The following RNFT2 variants were observed in gnomAD, a reference collection of about 807,000 sequenced individuals.
RNFT2 encodes E3 ubiquitin-protein ligase RNFT2.
RNFT2 carries 36 observed loss-of-function variants against 53.0 expected under a neutral mutation model. That is an observed-to-expected ratio of 0.68 (90% CI 0.52 to 0.90). RNFT2 has a LOEUF of 0.90. Among genes scored for constraint, RNFT2 ranks in the 40% least tolerant of loss-of-function variants. The pLI is 0.00. For missense variants in RNFT2, 514 were observed against 585.6 expected (o/e 0.88, Z 1.26); for synonymous variants, 260 against 253.2 (o/e 1.03, Z -0.26).
chr12:116,781,570 G>C (rs986525779), intron 7 of RNFT2, among the ~76,000 whole-genome samples: 1 of 151,574 alleles, frequency 6.6e-6, no homozygotes, highest in Non-Finnish European at 1.5e-5. Flanking sequence ...GTGATGGCAG[G>C]TTGAGCGTTC....
chr12:116,819,278 C>G (rs1362464878), intron 7 of RNFT2, among the ~76,000 whole-genome samples: 1 of 152,214 alleles, frequency 6.6e-6, no homozygotes, highest in Non-Finnish European at 1.5e-5. Context: ...GGCAGCTTTG[C>G]CCTTCGCAAA....
intron 7 of RNFT2, among the ~76,000 whole-genome samples, chr12:116,790,760 C>T (rs951686548): frequency 1.3e-5 from 2 of 152,156 alleles, no homozygotes; most frequent in Non-Finnish European, 2.9e-5. Context: ...AGTTCAATAC[C>T]AGCTTGGGCA....
At chr12:116,832,393 G>T (rs969399510) in intron 7 of RNFT2, among the ~76,000 whole-genome samples, 1 of 151,902 alleles carries the variant, frequency 6.6e-6, no homozygotes, top group Non-Finnish European at 1.5e-5. Flanking sequence ...CGAATCTCAG[G>T]CATTCATGTA....
intron 3 of RNFT2, among the ~76,000 whole-genome samples, chr12:116,746,474 G>A (rs1871899204): frequency 1.3e-5 from 2 of 152,188 alleles, no homozygotes; most frequent in Admixed American, 1.3e-4. Flanking sequence ...TGCAGTGAGA[G>A]CAAGGAGCAG....
intron 10 of RNFT2, among the ~76,000 whole-genome samples, chr12:116,848,427 C>T (rs563080547): frequency 4.6e-5 from 7 of 152,290 alleles, no homozygotes; most frequent in Admixed American, 1.3e-4. Context: ...TATCAGGTCA[C>T]TCCTCTGCTC....
chr12:116,795,620 G>A (rs1198962484), intron 7 of RNFT2, among the ~76,000 whole-genome samples: 1 of 152,146 alleles, frequency 6.6e-6, no homozygotes, highest in Non-Finnish European at 1.5e-5. Context: ...ACAATGTAGA[G>A]GTAGAATATT....
chr12:116,740,862 G>A (rs1871571979), intron 2 of RNFT2, 174 bp from the exon 3 acceptor site: 2 of 655,778 alleles, frequency 3.0e-6, no homozygotes, highest in East Asian at 2.7e-5. Flanking sequence ...GGGATAGAAT[G>A]TCACATTGAG....
chr12:116,740,255 C>G, intron 1 of RNFT2, 90 bp from the exon 2 acceptor site: 1 of 455,246 alleles, frequency 2.2e-6, no homozygotes. Context: ...ATGGAATCAT[C>G]TGCTTATAGC....
chr12:116,763,890 A>C (rs1042697132), intron 5 of RNFT2, among the ~76,000 whole-genome samples: 1 of 152,192 alleles, frequency 6.6e-6, no homozygotes, highest in African/African-American at 2.4e-5. Context: ...ATACGAAAAA[A>C]ATACTTACAT....
At chr12:116,770,261 T>C (rs374056983) in intron 6 of RNFT2, among the ~76,000 whole-genome samples, 18 of 152,324 alleles carry the variant, frequency 1.2e-4, no homozygotes, top group South Asian at 1.0e-3. Flanking sequence ...TGTTTAGATA[T>C]ACAGATACCA....
intron 7 of RNFT2, among the ~76,000 whole-genome samples, chr12:116,788,776 T>C (rs768273667): frequency 6.6e-6 from 1 of 151,768 alleles, no homozygotes; most frequent in Admixed American, 6.6e-5. Context: ...TATAGGTAGG[T>C]AGATAGATGA....
At chr12:116,763,610 A>T (rs969307235) in intron 5 of RNFT2, among the ~76,000 whole-genome samples, 3 of 34,656 alleles carry the variant, frequency 8.7e-5, no homozygotes, top group Non-Finnish European at 2.6e-4. Context: ...CAGTTAAAAA[A>T]AAAAATAACA....
At chr12:116,840,640 T>C (rs1877203004) in intron 10 of RNFT2, among the ~76,000 whole-genome samples, 1 of 152,210 alleles carries the variant, frequency 6.6e-6, no homozygotes, top group Non-Finnish European at 1.5e-5. Context: ...TGAGGGCTTA[T>C]TGAGCACCAA....
chr12:116,789,612 GTAGA>G (rs1324406325), intron 7 of RNFT2, among the ~76,000 whole-genome samples: 9 of 144,762 alleles, frequency 6.2e-5, no homozygotes, highest in East Asian at 2.2e-4. Flanking sequence ...TGGATGGATG[GTAGA>G]TGGATGGATG....
chr12:116,795,357 G>C (rs1456107891), intron 7 of RNFT2, among the ~76,000 whole-genome samples: 1 of 151,418 alleles, frequency 6.6e-6, no homozygotes, highest in Non-Finnish European at 1.5e-5. Flanking sequence ...GCAGTGAGCC[G>C]AGGTCACACC....
At chr12:116,796,305 C>T (rs1443859657) in intron 7 of RNFT2, among the ~76,000 whole-genome samples, 1 of 152,142 alleles carries the variant, frequency 6.6e-6, no homozygotes, top group Non-Finnish European at 1.5e-5. Flanking sequence ...GTATCAGAAA[C>T]AAGGAAAGGC....
chr12:116,797,538 C>CAAAAA (rs200259830), intron 7 of RNFT2, among the ~76,000 whole-genome samples: 3 of 131,114 alleles, frequency 2.3e-5, no homozygotes, highest in African/African-American at 8.2e-5. Flanking sequence ...CTGTCTATCT[C>CAAAAA]AAAAAAAAAA....
intron 7 of RNFT2, among the ~76,000 whole-genome samples, chr12:116,781,688 C>A (rs972648056): frequency 1.3e-5 from 2 of 152,112 alleles, no homozygotes; most frequent in South Asian, 4.1e-4. Context: ...GACACTGGCC[C>A]CACCCGAATA....
At chr12:116,829,261 A>G (rs879772342) in intron 7 of RNFT2, among the ~76,000 whole-genome samples, 1 of 152,110 alleles carries the variant, frequency 6.6e-6, no homozygotes, top group Non-Finnish European at 1.5e-5. Context: ...GTTGCTGTCC[A>G]TTGGTCCAGC....
Sources: allele counts gnomAD v4.1 joint callset (sites outside exome capture counted in the v4.1 genomes callset), GRCh38; gene constraint gnomAD v4.1.1; transcripts MANE v1.5; gene names NCBI Gene and HGNC (gene_info 2026-07-23, HGNC 2026-07-21).